Variants in RALGAPB observed in about 807,000 individuals in gnomAD.
RALGAPB encodes the protein Ral GTPase activating protein non-catalytic subunit beta.
Under a neutral mutation model 161.1 loss-of-function variants are expected in RALGAPB, and 25 were observed. The ratio of observed to expected loss-of-function variants is 0.16; its 90% confidence interval spans 0.11 to 0.22. The LOEUF (loss-of-function observed/expected upper bound fraction) is 0.22, where lower values mean the gene tolerates loss of function less well. Ranked by LOEUF, RALGAPB falls within the 10% of genes least tolerant of loss-of-function variation. The probability of loss-of-function intolerance (pLI) is 1.00; values close to 1 mark genes in which losing one functional copy is unlikely to be tolerated. For missense variants in RALGAPB, 1,391 were observed against 1,815.2 expected (o/e 0.77, Z 4.25); for synonymous variants, 629 against 626.1 (o/e 1.00, Z -0.07).
chr20:38,570,086 G>GCTTA, intron 27 of RALGAPB, 90 bp downstream of exon 27: 8 of 1,048,778 alleles, frequency 7.6e-6, no homozygotes, highest in South Asian at 1.4e-5. Context: ...CATAAGCCTG[G>GCTTA]TGTGGCCAGG....
At chr20:38,537,665 G>A (rs1249104679) in intron 16 of RALGAPB, 2 of 152,146 alleles carry the variant, frequency 1.3e-5, no homozygotes, top group African/African-American at 2.4e-5. Context: ...TGTTTATAAA[G>A]CATATATTTG....
chr20:38,478,225 T>C (rs565761452), intron 1 of RALGAPB, among the ~76,000 whole-genome samples: 83 of 152,360 alleles, frequency 5.4e-4, no homozygotes, highest in Middle Eastern at 3.4e-3. Flanking sequence ...TGGAGTTTCT[T>C]GTCCCAGATC....
In RALGAPB at chr20:38,499,517, T is replaced by C; in HGVS notation, c.624T>C (p.Thr208=). The C allele has an allele frequency of 6.2e-7, 1 of 1,614,050 alleles. No individual in the cohort carries two copies. Among genetic ancestry groups the C allele is most frequent in the South Asian group, 1.1e-5 (1 of 91,076 alleles). Residue 208 remains threonine (T), a synonymous_variant, in exon 5 of 30, where the codon ACT becomes ACC. Coordinates refer to ENST00000262879, the MANE Select transcript of RALGAPB (RefSeq NM_020336.4). ...TTGAGGTGTGGTTACTAGCTTGTACTCGGTGCTTCCCAACACCTCCTTATT... is the reference window on the plus strand; with the variant it reads ...TTGAGGTGTGGTTACTAGCTTGTACCCGGTGCTTCCCAACACCTCCTTATT... ...VLFEVWLLAC[T]RCFPTPPYWK... is the part of the protein sequence containing the mutation.
Position 38,536,545 on chromosome 20 carries a change from C to A in RALGAPB, c.2379+1338C>A, listed in dbSNP as rs369324521. Reference sequence around the variant, plus strand: ...TATGTTTAACTTTTTGAGGAACTGCCAAACTGTTTTTCACAGTGACTGAAT... The same window carrying A: ...TATGTTTAACTTTTTGAGGAACTGCAAAACTGTTTTTCACAGTGACTGAAT... On this transcript the variant is annotated intron_variant, in intron 16 of 29. Coordinates refer to ENST00000262879, the MANE Select transcript of RALGAPB (RefSeq NM_020336.4). Among the ~76,000 whole-genome samples the A allele has an allele frequency of 2.0e-5, 3 of 152,152 alleles. No homozygotes were observed. The East Asian group carries it at 5.8e-4, about 29-fold the overall frequency.
At chr20:38,502,396 C>T (rs745545903) in intron 5 of RALGAPB, among the ~76,000 whole-genome samples, 3 of 152,018 alleles carry the variant, frequency 2.0e-5, no homozygotes, top group Non-Finnish European at 2.9e-5. Context: ...GGAAGTGCTC[C>T]CAAGAAGCAG....
chr20:38,552,268 G>A (rs189729437), intron 21 of RALGAPB, among the ~76,000 whole-genome samples: 40 of 151,728 alleles, frequency 2.6e-4, no homozygotes, highest in African/African-American at 9.7e-4. Flanking sequence ...AGCCTCCCAA[G>A]TAGCTGTGAT....
At chr20:38,505,752 G>A (rs778411367) in intron 5 of RALGAPB, among the ~76,000 whole-genome samples, 1 of 152,074 alleles carries the variant, frequency 6.6e-6, no homozygotes, top group Non-Finnish European at 1.5e-5. Context: ...AAAAAAACGT[G>A]CATGCCTTGC....
At chr20:38,509,401 C>T (rs2085866917) in intron 6 of RALGAPB, among the ~76,000 whole-genome samples, 193 bp downstream of exon 6, 1 of 152,204 alleles carries the variant, frequency 6.6e-6, no homozygotes, top group Admixed American at 6.5e-5. Flanking sequence ...GTTAGGCTGT[C>T]CTCAGCCGCT....
intron 28 of RALGAPB, among the ~76,000 whole-genome samples, chr20:38,571,990 G>A (rs1274704369): frequency 1.3e-5 from 2 of 152,006 alleles, no homozygotes; most frequent in Non-Finnish European, 2.9e-5. Flanking sequence ...AGTTTTAATA[G>A]TATAATTAAT....
intron 6 of RALGAPB, among the ~76,000 whole-genome samples, chr20:38,510,832 C>T (rs2085921187): frequency 8.1e-6 from 1 of 122,792 alleles, no homozygotes; most frequent in African/African-American, 5.8e-5. Context: ...ATGGGGTGAA[C>T]CCGGGAGGCG....
At position 38,529,512 on chromosome 20, in the gene RALGAPB, C is replaced by T. The variant is rs551668343; in HGVS notation, c.2051-1655C>T. Among the ~76,000 whole-genome samples, 29 of 142,866 alleles carry T rather than the reference C, an allele frequency of 2.0e-4. No homozygotes were observed. The East Asian group carries it at 3.4e-3, about 17-fold the overall frequency. The allele number at this position is 142,866 out of a possible 152,430, so 93.7% of individuals were successfully genotyped here. On this transcript the variant is annotated intron_variant, in intron 13 of 29. Coordinates refer to ENST00000262879, the MANE Select transcript of RALGAPB (RefSeq NM_020336.4). ...AGCCTGGGCAATAAGAGCGAAACTCCGTCTCAAAAAAAAAAAATAAAATAA... is the reference window on the plus strand; with the variant it reads ...AGCCTGGGCAATAAGAGCGAAACTCTGTCTCAAAAAAAAAAAATAAAATAA...
intron 2 of RALGAPB, among the ~76,000 whole-genome samples, chr20:38,489,806 T>C (rs1001135664): frequency 4.6e-5 from 7 of 152,134 alleles, no homozygotes; most frequent in Non-Finnish European, 8.8e-5. Context: ...GGAACATTTT[T>C]CTCTCTTCAG....
At chr20:38,502,886 A>G (rs1439838915) in intron 5 of RALGAPB, among the ~76,000 whole-genome samples, 1 of 152,180 alleles carries the variant, frequency 6.6e-6, no homozygotes, top group African/African-American at 2.4e-5. Context: ...GATTACAGGC[A>G]TGAGCCACTG....
rs1444021111 is a variant in RALGAPB at position 38,525,981 on chromosome 20, G to A, written c.1989G>A (p.Val663=). 1.9e-6 allele frequency: 3 copies of A among 1,613,798 alleles called. No homozygotes were observed. In the Admixed American group the frequency reaches 5.0e-5, roughly 27 times the overall value. ...ITFLSLKLRL[V]NILIGALQTE... Reference sequence around the variant, plus strand: ...TTCTGTCCCTGAAGTTGAGACTTGTGAATATATTAATAGGTGCCTTGCAAA... The same window carrying A: ...TTCTGTCCCTGAAGTTGAGACTTGTAAATATATTAATAGGTGCCTTGCAAA... The change falls in exon 13 of 30, where the codon GTG becomes GTA. Residue 663 remains valine (V), a synonymous_variant. Transcript: ENST00000262879.
intron 9 of RALGAPB, among the ~76,000 whole-genome samples, chr20:38,518,358 T>C (rs974064128): frequency 6.6e-6 from 1 of 152,202 alleles, no homozygotes; most frequent in African/African-American, 2.4e-5. Flanking sequence ...AACTGGAAAT[T>C]TACAAGAAGT....
At chr20:38,508,704 A>G (rs890786479) in intron 5 of RALGAPB, among the ~76,000 whole-genome samples, 2 of 152,190 alleles carry the variant, frequency 1.3e-5, no homozygotes, top group African/African-American at 2.4e-5. Context: ...ATACAACAGC[A>G]TATACTCTTC....
Position 38,521,634 on chromosome 20 carries a change from A to G in RALGAPB, c.1555A>G (p.Thr519Ala), listed in dbSNP as rs1381091189. The change falls in exon 10 of 30, where the codon ACA (threonine) becomes GCA (alanine). Residue 519 changes from threonine to alanine, a missense_variant. Thr to Ala is a moderately conservative substitution (Grantham distance 58, BLOSUM62 0). This residue lies in a region of RALGAPB where 946 missense variants were observed against 1,257.2 expected (regional missense o/e 0.75). Transcript: ENST00000262879. ...YEAGRAEACG[T>A]LCRIFCSKKT... ...AGCAGGAAGAGCTGAGGCTTGTGGG[A>G]CACTGTGTAGGATTTTTTGTAGCAA... 1 of 1,614,180 alleles carries G rather than the reference A, an allele frequency of 6.2e-7. No homozygotes were observed. Among genetic ancestry groups the G allele is most frequent in the Non-Finnish European group, 8.5e-7 (1 of 1,180,010 alleles).
At chr20:38,557,862 T>C (rs932290838) in intron 22 of RALGAPB, among the ~76,000 whole-genome samples, 3 of 152,244 alleles carry the variant, frequency 2.0e-5, no homozygotes, top group African/African-American at 7.2e-5. Context: ...CAGGCTTTTG[T>C]GTGGATGTTT....
At chr20:38,550,941 G>A in intron 20 of RALGAPB, 130 bp from the exon 21 acceptor site, 2 of 1,042,220 alleles carry the variant, frequency 1.9e-6, no homozygotes, top group Non-Finnish European at 1.4e-6. Flanking sequence ...AGCATTTGCA[G>A]GTTCTGAGTG....
Sources: allele counts gnomAD v4.1 joint callset (sites outside exome capture counted in the v4.1 genomes callset), GRCh38; gene constraint gnomAD v4.1.1; regional missense constraint gnomAD v4.1.1; transcripts MANE v1.5; gene names NCBI Gene and HGNC (gene_info 2026-07-23, HGNC 2026-07-21).